The following HSF2BP variants were observed in gnomAD, a reference collection of about 807,000 sequenced individuals.
The protein encoded by HSF2BP is heat shock factor 2-binding protein.
In HSF2BP, 35 loss-of-function variants were observed where a neutral mutation model predicts 35.0. That is an observed-to-expected ratio of 1.00 (90% confidence interval 0.76 to 1.32). The LOEUF is 1.32. Ranked by LOEUF, HSF2BP falls within the 40% of genes most tolerant of loss-of-function variation. The pLI, the probability that HSF2BP is intolerant of heterozygous loss-of-function variation, is 0.00. For synonymous variants in HSF2BP, 114 were observed against 117.4 expected (o/e 0.97, Z 0.18); for missense variants, 326 against 321.7 (o/e 1.01, Z -0.10).
chr21:43,648,054 C>T (rs2082732951), intron 3 of HSF2BP, among the ~76,000 whole-genome samples: 1 of 151,734 alleles, frequency 6.6e-6, no homozygotes, highest in Admixed American at 6.6e-5. Flanking sequence ...ATGACATGAA[C>T]AGCAGAGCGG....
chr21:43,645,073 C>A (rs565552900), intron 3 of HSF2BP, among the ~76,000 whole-genome samples: 2 of 152,240 alleles, frequency 1.3e-5, no homozygotes, highest in South Asian at 4.1e-4. Context: ...TACTGACACT[C>A]GAAAAAACAA....
intron 7 of HSF2BP, among the ~76,000 whole-genome samples, chr21:43,593,343 C>T (rs2081949627): frequency 6.6e-6 from 1 of 152,258 alleles, no homozygotes; most frequent in East Asian, 1.9e-4. Flanking sequence ...AGAAGCTCCC[C>T]CAGCTTCCTG....
intron 6 of HSF2BP, among the ~76,000 whole-genome samples, chr21:43,614,152 C>A (rs2082242952): frequency 2.0e-5 from 3 of 152,124 alleles, no homozygotes; most frequent in African/African-American, 7.2e-5. Context: ...CTGCTTGAGG[C>A]CACAAGTTCA....
At chr21:43,606,981 G>A (rs1400390505) in intron 7 of HSF2BP, among the ~76,000 whole-genome samples, 5 of 152,066 alleles carry the variant, frequency 3.3e-5, no homozygotes, top group Non-Finnish European at 7.4e-5. Context: ...CACTCTTACC[G>A]CACCTATTCA....
At chr21:43,594,441 T>C (rs2081961349) in intron 7 of HSF2BP, among the ~76,000 whole-genome samples, 1 of 152,182 alleles carries the variant, frequency 6.6e-6, no homozygotes, top group Non-Finnish European at 1.5e-5. Context: ...GATGTAAGTA[T>C]TAGAGCATTC....
At chr21:43,591,262 A>T (rs924465090) in intron 8 of HSF2BP, among the ~76,000 whole-genome samples, 1 of 152,220 alleles carries the variant, frequency 6.6e-6, no homozygotes. Context: ...AAGAAATTTT[A>T]AAACACACAC....
chr21:43,581,999 AGATGAGTGCCTGCTGT>A (rs2081747926), intron 8 of HSF2BP, among the ~76,000 whole-genome samples: 1 of 51,072 alleles, frequency 2.0e-5, no homozygotes, highest in Non-Finnish European at 3.7e-5. Flanking sequence ...CTGCTGTGGG[AGATGAGTGCCTGCTGT>A]GGGGGATGAG....
intron 6 of HSF2BP, among the ~76,000 whole-genome samples, chr21:43,617,549 C>CA (rs2082285505): frequency 6.6e-6 from 1 of 150,548 alleles, no homozygotes; most frequent in Non-Finnish European, 1.5e-5. Flanking sequence ...TACCATCTAC[C>CA]AAAACTAAAA....
intron 4 of HSF2BP, among the ~76,000 whole-genome samples, chr21:43,637,337 T>C (rs756311136): frequency 3.9e-5 from 6 of 152,170 alleles, no homozygotes; most frequent in Non-Finnish European, 5.9e-5. Context: ...ATTCTGTTCC[T>C]ACAAAATATT....
At chr21:43,639,755 C>A (rs2082611616) in intron 4 of HSF2BP, among the ~76,000 whole-genome samples, 1 of 152,090 alleles carries the variant, frequency 6.6e-6, no homozygotes, top group Admixed American at 6.5e-5. Context: ...TGTGCACTTA[C>A]CATACAACCC....
chr21:43,645,777 T>TA (rs1009842209), intron 3 of HSF2BP, among the ~76,000 whole-genome samples: 14 of 151,996 alleles, frequency 9.2e-5, no homozygotes, highest in African/African-American at 3.4e-4. Flanking sequence ...GAGAAGCGGG[T>TA]AGGGCTTTCG....
intron 7 of HSF2BP, among the ~76,000 whole-genome samples, chr21:43,599,277 T>TCA (rs1422921342): frequency 1.1e-4 from 17 of 152,308 alleles, no homozygotes; most frequent in African/African-American, 3.8e-4. Context: ...ACCTGAGACC[T>TCA]CACGTCACTG....
intron 7 of HSF2BP, among the ~76,000 whole-genome samples, chr21:43,603,440 C>G (rs1420499048): frequency 6.6e-6 from 1 of 152,208 alleles, no homozygotes; most frequent in Non-Finnish European, 1.5e-5. Flanking sequence ...AGGAGAAATA[C>G]ACAGAGATGA....
intron 7 of HSF2BP, among the ~76,000 whole-genome samples, chr21:43,610,670 TAATA>T (rs1467124138): frequency 6.6e-6 from 1 of 152,146 alleles, no homozygotes; most frequent in Non-Finnish European, 1.5e-5. Context: ...TAGAGGAATA[TAATA>T]AATAGCAAAG....
chr21:43,590,475 G>T (rs1380547271), intron 8 of HSF2BP, among the ~76,000 whole-genome samples: 3 of 152,128 alleles, frequency 2.0e-5, no homozygotes, highest in Non-Finnish European at 4.4e-5. Context: ...CCCACTTCTA[G>T]GTATTTACCC....
Position 43,659,224 on chromosome 21 carries a change from G to A in HSF2BP, c.-225+162C>T, listed in dbSNP as rs537600856. ...AGATGGGAGGATCGATCGAGTCTGG[G>A]AGGTCGAGGCTGCAGTGAGCCAGGA... On this transcript the variant is annotated intron_variant, in intron 1 of 8. Coordinates refer to ENST00000291560, the MANE Select transcript of HSF2BP (RefSeq NM_007031.2). The surrounding 1 kb of genome is among the most constrained non-coding windows in gnomAD (Gnocchi z 4.2). Among the ~76,000 whole-genome samples, 2 of 152,276 alleles carry A rather than the reference G, an allele frequency of 1.3e-5. No homozygotes were observed. The highest frequency in any genetic ancestry group is 4.1e-4 in the South Asian group (2 of 4,820).
chr21:43,573,181 C>A (rs2081598330), intron 8 of HSF2BP, among the ~76,000 whole-genome samples: 1 of 152,224 alleles, frequency 6.6e-6, no homozygotes, highest in Non-Finnish European at 1.5e-5. Context: ...ATCCTGGCTC[C>A]CCTGTCTACT....
rs72045043 is a variant in HSF2BP, at chr21:43,616,041, G to GAAA, written c.575-2097_575-2095dup. ...GAAACATTACTAATACATCGCTGAA[G>GAAA]AAAAAAAAAAAATATATATATATAT... On this transcript the variant is annotated intron_variant, in intron 6 of 8. Coordinates refer to ENST00000291560, the MANE Select transcript of HSF2BP (RefSeq NM_007031.2). 1.1e-3 allele frequency among the ~76,000 whole-genome samples: 153 copies of GAAA among 141,290 alleles called. No individual in the cohort carries two copies. In the Middle Eastern group the frequency reaches 0.011, roughly 10 times the overall value. 92.7% of individuals were successfully genotyped at this position (141,290 alleles called of 152,430 possible).
At chr21:43,587,269 TGATTCTAAA>T (rs1282877990) in intron 8 of HSF2BP, among the ~76,000 whole-genome samples, 4 of 152,200 alleles carry the variant, frequency 2.6e-5, no homozygotes, top group African/African-American at 9.7e-5. Flanking sequence ...TTAGAACAAA[TGATTCTAAA>T]GATTCTAAAG....
Sources: allele counts gnomAD v4.1 joint callset (sites outside exome capture counted in the v4.1 genomes callset), GRCh38; gene constraint gnomAD v4.1.1; non-coding constraint Gnocchi (gnomAD v3.1); transcripts MANE v1.5; gene names NCBI Gene and HGNC (gene_info 2026-07-23, HGNC 2026-07-21).